Variants in KHDRBS2 observed in about 807,000 individuals in gnomAD.
The protein encoded by KHDRBS2 is KH RNA binding domain containing, signal transduction associated 2.
In KHDRBS2, 26 loss-of-function variants were observed where a neutral mutation model predicts 44.3. The observed-to-expected ratio is 0.59, with a 90% confidence interval of 0.43 to 0.81. The LOEUF (loss-of-function observed/expected upper bound fraction) is 0.81, where lower values mean the gene tolerates loss of function less well. Among genes scored for constraint, KHDRBS2 ranks in the 40% least tolerant of loss-of-function variants. The probability of loss-of-function intolerance (pLI) is 0.00; values close to 1 mark genes in which losing one functional copy is unlikely to be tolerated. For missense variants in KHDRBS2, 476 were observed against 433.1 expected (o/e 1.10, Z -0.88); for synonymous variants, 194 against 151.1 (o/e 1.28, Z -2.08).
the KHDRBS2 span, among the ~76,000 whole-genome samples, chr6:61,641,017 C>T: frequency 6.6e-6 from 1 of 152,156 alleles, no homozygotes; most frequent in African/African-American, 2.4e-5. Flanking sequence ...ACCACCCCCA[C>T]AAAAGCATAA....
chr6:62,269,311 T>G (rs1366544362), intron 1 of KHDRBS2, among the ~76,000 whole-genome samples: 1 of 152,014 alleles, frequency 6.6e-6, no homozygotes, highest in Non-Finnish European at 1.5e-5. Flanking sequence ...GAGCCACATA[T>G]TAGGGAAAAA....
At chr6:61,564,578 G>C in the KHDRBS2 span, among the ~76,000 whole-genome samples, 1 of 152,114 alleles carries the variant, frequency 6.6e-6, no homozygotes, top group South Asian at 2.1e-4. Context: ...TAAATGTAAA[G>C]TTGAGGATAG....
chr6:62,216,057 T>C lies in KHDRBS2; in HGVS notation c.92-38745A>G, dbSNP rs78188072. Among the ~76,000 whole-genome samples, 172 of 151,910 alleles carry C rather than the reference T, an allele frequency of 1.1e-3. 1 individual carries two copies. The highest frequency in any genetic ancestry group is 4.0e-3 in the African/African-American group (165 of 41,528). On this transcript the variant is annotated intron_variant, in intron 1 of 8. Coordinates refer to ENST00000281156, the MANE Select transcript of KHDRBS2 (RefSeq NM_152688.4). ...AAAGATTTTGTACTTTATAAAGATGTTCATGCATGTTGGATTGATCTTAAC... is the reference window on the plus strand; with the variant it reads ...AAAGATTTTGTACTTTATAAAGATGCTCATGCATGTTGGATTGATCTTAAC...
intron 4 of KHDRBS2, among the ~76,000 whole-genome samples, chr6:61,942,493 A>G (rs1366007471): frequency 6.6e-6 from 1 of 152,168 alleles, no homozygotes; most frequent in Admixed American, 6.5e-5. Flanking sequence ...TGAATGTTAA[A>G]ACTTGAAGAC....
chr6:61,877,736 A>T (rs2077891108), intron 6 of KHDRBS2, among the ~76,000 whole-genome samples: 1 of 151,944 alleles, frequency 6.6e-6, no homozygotes, highest in African/African-American at 2.4e-5. Flanking sequence ...TTATATTTAA[A>T]ACATCTCTTT....
chr6:61,795,144 C>CAAAAAAAAAAAAAAAAAAAAAAAAAAAA (rs1166333660), intron 6 of KHDRBS2, among the ~76,000 whole-genome samples: 2 of 59,670 alleles, frequency 3.4e-5, no homozygotes, highest in Non-Finnish European at 6.3e-5. Context: ...GACTCCGTCT[C>CAAAAAAAAAAAAAAAAAAAAAAAAAAAA]AAAAAAAAAA....
the KHDRBS2 span, among the ~76,000 whole-genome samples, chr6:61,580,118 G>T: frequency 6.6e-6 from 1 of 152,260 alleles, no homozygotes; most frequent in East Asian, 1.9e-4. Context: ...AGCCACAAAA[G>T]AGAAGATTGA....
chr6:62,026,366 G>A lies in KHDRBS2; in HGVS notation c.336+21512C>T, dbSNP rs184431607. ...TTCTTGCAGGTTACTGATCATATAA[G>A]GATTTTCTTTTCTTTCTTTCCTTCT... On this transcript the variant is annotated intron_variant, in intron 3 of 8. Transcript: ENST00000281156. Among the ~76,000 whole-genome samples, 260 of 149,984 alleles carry A rather than the reference G, an allele frequency of 1.7e-3. 9 individuals carry two copies. The South Asian group carries it at 0.049, about 28-fold the overall frequency.
chr6:62,059,122 C>T (rs1319842409), intron 2 of KHDRBS2, among the ~76,000 whole-genome samples: 2 of 144,184 alleles, frequency 1.4e-5, no homozygotes, highest in African/African-American at 5.1e-5. Flanking sequence ...ACTAATAGTG[C>T]CATAGAAGCA....
intron 2 of KHDRBS2, among the ~76,000 whole-genome samples, chr6:62,067,603 A>T (rs184700198): frequency 3.3e-5 from 5 of 151,722 alleles, no homozygotes; most frequent in Admixed American, 3.3e-4. Flanking sequence ...GTACCATAAA[A>T]TTAGTTCATT....
At chr6:62,100,372 T>C (rs964811725) in intron 2 of KHDRBS2, among the ~76,000 whole-genome samples, 1 of 152,222 alleles carries the variant, frequency 6.6e-6, no homozygotes, top group African/African-American at 2.4e-5. Context: ...AACAAAGGAT[T>C]CATAATATTA....
chr6:61,607,535 A>AAAAAAAAAAAG, the KHDRBS2 span, among the ~76,000 whole-genome samples: 1 of 147,214 alleles, frequency 6.8e-6, no homozygotes, highest in East Asian at 1.9e-4. Flanking sequence ...AAAAAAAAAA[A>AAAAAAAAAAAG]AAAAAAAAAA....
the KHDRBS2 span, among the ~76,000 whole-genome samples, chr6:61,567,019 T>C: frequency 7.2e-5 from 11 of 152,330 alleles, no homozygotes; most frequent in South Asian, 2.3e-3. Flanking sequence ...GGGACATTAC[T>C]AGAGGACTTC....
chr6:62,260,424 CTG>C (rs1295166678), intron 1 of KHDRBS2, among the ~76,000 whole-genome samples: 1 of 151,962 alleles, frequency 6.6e-6, no homozygotes, highest in Non-Finnish European at 1.5e-5. Context: ...CCAAGCTAAG[CTG>C]TGTGTTTAGA....
At chr6:62,177,384 TATC>T (rs1821360921) in intron 1 of KHDRBS2, 72 bp from the exon 2 acceptor site, 1 of 1,184,180 alleles carries the variant, frequency 8.4e-7, no homozygotes, top group Non-Finnish European at 1.2e-6. Context: ...TGAAAAATGT[TATC>T]ATAAATAATA....
At chr6:61,852,337 G>A (rs555674023) in intron 6 of KHDRBS2, among the ~76,000 whole-genome samples, 5 of 152,030 alleles carry the variant, frequency 3.3e-5, no homozygotes, top group Non-Finnish European at 7.4e-5. Context: ...AAGCCAAGGC[G>A]GGCAGATTAC....
rs953637964 is a variant in KHDRBS2, at chr6:61,775,195, G to T, written c.811-42431C>A. Among the ~76,000 whole-genome samples the T allele has an allele frequency of 7.2e-5, 11 of 152,172 alleles. No individual in the cohort carries two copies. In the East Asian group the frequency reaches 1.7e-3, roughly 24 times the overall value. Reference sequence around the variant, plus strand: ...CCCACAGCCAATATCATACTGAATGGGCAAAAACTGGAAGCATTCCCTTTG... The same window carrying T: ...CCCACAGCCAATATCATACTGAATGTGCAAAAACTGGAAGCATTCCCTTTG... On this transcript the variant is annotated intron_variant, in intron 6 of 8. Coordinates refer to ENST00000281156, the MANE Select transcript of KHDRBS2 (RefSeq NM_152688.4).
rs1765911970 is a variant in KHDRBS2 at position 61,954,805 on chromosome 6, TACATACGC to T, written c.483+23253_483+23260del. On this transcript the variant is annotated intron_variant, in intron 4 of 8. Transcript: ENST00000281156. ...GTATATACACATGCATATGTATGTA[TACATACGC>T]ATGTGTATATACACATGCATATGTA... Among the ~76,000 whole-genome samples, 2 of 99,148 alleles carry T rather than the reference TACATACGC, an allele frequency of 2.0e-5. 1 individual carries two copies. 65.0% of individuals were successfully genotyped at this position (99,148 alleles called of 152,430 possible). A position where few individuals can be genotyped will look rare whatever the true frequency, so the allele number is the denominator to read the frequency against.
chr6:61,898,168 C>A (rs1803284182), intron 5 of KHDRBS2, among the ~76,000 whole-genome samples: 1 of 151,880 alleles, frequency 6.6e-6, no homozygotes, highest in Admixed American at 6.6e-5. Flanking sequence ...TAAATAACTT[C>A]ATAAAGTAAT....
Sources: gnomAD v4.1 joint callset for allele counts (sites outside exome capture counted in the v4.1 genomes callset) on GRCh38, gnomAD v4.1.1 for gene constraint, MANE v1.5 for transcripts, NCBI Gene and HGNC (gene_info 2026-07-23, HGNC 2026-07-21) for gene names.